ITPR1: variants seen among roughly 807,000 people sequenced by gnomAD.
ITPR1 encodes the protein inositol 1,4,5-trisphosphate receptor type 1, also known as inositol 1,4,5-trisphosphate-gated calcium channel ITPR1.
ITPR1 carries 96 observed loss-of-function variants against 318.4 expected under a neutral mutation model. The observed-to-expected ratio is 0.30, with a 90% CI of 0.26 to 0.36. The LOEUF (loss-of-function observed/expected upper bound fraction) is 0.36, where lower values mean the gene tolerates loss of function less well. Ranked by LOEUF, ITPR1 falls within the 10% of genes least tolerant of loss-of-function variation. ITPR1 has a pLI of 1.00. For synonymous variants in ITPR1, 1,312 were observed against 1,289.9 expected, an observed-to-expected ratio of 1.02 and a Z score of -0.37; for missense variants, 2,440 against 3,460.2, an observed-to-expected ratio of 0.71 and a Z score of 7.40.
Position 4,826,025 on chromosome 3 carries a change from G to A in ITPR1, c.8028+7783G>A, listed in dbSNP as rs35806575. 3.9e-5 allele frequency among the ~76,000 whole-genome samples: 6 copies of A among 152,246 alleles called. No individual in the cohort carries two copies. The highest frequency in any genetic ancestry group is 1.2e-4 in the African/African-American group (5 of 41,472). Reference sequence around the variant, plus strand: ...TGGAGTCCCTGCCAGACAGCACTTAGGTGCAGGAGAGAGGAAGGGCGAGTC... The same window carrying A: ...TGGAGTCCCTGCCAGACAGCACTTAAGTGCAGGAGAGAGGAAGGGCGAGTC... On this transcript the variant is annotated intron_variant, in intron 60 of 61. Transcript: ENST00000649015. The surrounding 1 kb of genome is among the most constrained non-coding windows in gnomAD (Gnocchi z 4.2).
chr3:4,669,810 G>T (rs759639647), intron 19 of ITPR1, 37 bp downstream of exon 19: 2 of 1,572,428 alleles, frequency 1.3e-6, no homozygotes, highest in Non-Finnish European at 1.7e-6. Flanking sequence ...GAAAACATGG[G>T]GTTCATTCAG....
intron 60 of ITPR1, among the ~76,000 whole-genome samples, chr3:4,827,938 T>C (rs3805026): frequency 0.21 from 32,310 of 151,914 alleles, 3,505 homozygotes; most frequent in East Asian, 0.25. Context: ...CAGTTCTTCA[T>C]GAAGTCCTGT....
At chr3:4,703,388 C>T (rs1440914650) in intron 36 of ITPR1, among the ~76,000 whole-genome samples, 1 of 152,166 alleles carries the variant, frequency 6.6e-6, no homozygotes, top group African/African-American at 2.4e-5. Context: ...CTCCCTTCTT[C>T]CCCTTGAGTA....
intron 4 of ITPR1, among the ~76,000 whole-genome samples, chr3:4,578,282 A>G (rs893584866): frequency 6.6e-6 from 1 of 151,678 alleles, no homozygotes; most frequent in Non-Finnish European, 1.5e-5. Context: ...CACTTTTTTT[A>G]TTTTTTGGTT....
intron 60 of ITPR1, among the ~76,000 whole-genome samples, chr3:4,824,679 G>A (rs1258826737): frequency 6.6e-6 from 1 of 152,174 alleles, no homozygotes; most frequent in African/African-American, 2.4e-5. Context: ...TGCGGGTAGA[G>A]AGGAGAGTGG....
rs904210230 is a variant in ITPR1 at position 4,663,309 on chromosome 3, G to A, written c.1554+103G>A. 5 of 1,083,192 alleles carry A rather than the reference G, an allele frequency of 4.6e-6. No homozygotes were observed. In the African/African-American group the frequency reaches 6.4e-5, roughly 14 times the overall value. 67.1% of individuals were successfully genotyped at this position (1,083,192 alleles called of 1,614,324 possible). On this transcript the variant is annotated intron_variant, in intron 16 of 61. Transcript: ENST00000649015. ...CCCAGCACTTTGGGAAGCCGAGGTG[G>A]GAGGATCCCCTTGAGCCCAGGAAAT...
intron 4 of ITPR1, among the ~76,000 whole-genome samples, chr3:4,607,497 C>T (rs1026276956): frequency 1.5e-4 from 23 of 152,058 alleles, no homozygotes; most frequent in Admixed American, 1.4e-3. Context: ...CCAAATGGGG[C>T]CGATTGATCA....
chr3:4,605,516 C>T (rs1559523334), intron 4 of ITPR1, among the ~76,000 whole-genome samples: 1 of 152,108 alleles, frequency 6.6e-6, no homozygotes, highest in Non-Finnish European at 1.5e-5. Context: ...AGAGAATTGT[C>T]CTATTTTTAG....
intron 4 of ITPR1, among the ~76,000 whole-genome samples, chr3:4,559,988 C>G (rs759506814): frequency 1.3e-5 from 2 of 152,214 alleles, no homozygotes; most frequent in Non-Finnish European, 2.9e-5. Context: ...GACTCTGGCT[C>G]TCCCACTAAA....
At chr3:4,539,984 CAAA>C (rs749264815) in intron 4 of ITPR1, among the ~76,000 whole-genome samples, 3 of 94,484 alleles carry the variant, frequency 3.2e-5, no homozygotes, top group Admixed American at 1.2e-4. Context: ...GACTAAGATG[CAAA>C]AAAAAAAAAA....
chr3:4,719,164 A>G (rs2041971699), intron 40 of ITPR1, among the ~76,000 whole-genome samples: 1 of 152,070 alleles, frequency 6.6e-6, no homozygotes, highest in Non-Finnish European at 1.5e-5. Context: ...TTGTAATTAT[A>G]CTCTAGGAAA....
At chr3:4,645,074 G>A (rs773932564) in intron 8 of ITPR1, among the ~76,000 whole-genome samples, 12 of 151,992 alleles carry the variant, frequency 7.9e-5, no homozygotes, top group East Asian at 1.9e-4. Context: ...TTTTCATCAG[G>A]CCTTTACTTT....
At chr3:4,548,112 T>C (rs2085202828) in intron 4 of ITPR1, among the ~76,000 whole-genome samples, 2 of 152,224 alleles carry the variant, frequency 1.3e-5, no homozygotes, top group African/African-American at 2.4e-5. Flanking sequence ...GGTTTGTTTT[T>C]AGTACTGGAT....
intron 16 of ITPR1, among the ~76,000 whole-genome samples, chr3:4,664,023 T>A (rs1056594098): frequency 2.0e-5 from 3 of 152,212 alleles, no homozygotes; most frequent in Non-Finnish European, 4.4e-5. Flanking sequence ...TGGATATCAA[T>A]CATGTGAGAG....
intron 4 of ITPR1, among the ~76,000 whole-genome samples, chr3:4,603,691 G>A (rs887314639): frequency 6.6e-6 from 1 of 152,184 alleles, no homozygotes; most frequent in African/African-American, 2.4e-5. Flanking sequence ...GCCTCCAAAA[G>A]TGCTGGGATT....
At chr3:4,695,272 A>G (rs1382268337) in intron 33 of ITPR1, among the ~76,000 whole-genome samples, 1 of 152,206 alleles carries the variant, frequency 6.6e-6, no homozygotes, top group African/African-American at 2.4e-5. Flanking sequence ...GCAGGTGAAA[A>G]TGGTCATTTC....
intron 4 of ITPR1, among the ~76,000 whole-genome samples, chr3:4,613,958 C>T (rs2092277855): frequency 6.6e-6 from 1 of 152,138 alleles, no homozygotes. Context: ...CCAGAAAATA[C>T]CACCTCCACC....
At chr3:4,688,794 G>T (rs1386869069) in intron 31 of ITPR1, among the ~76,000 whole-genome samples, 174 bp downstream of exon 31, 1 of 152,150 alleles carries the variant, frequency 6.6e-6, no homozygotes, top group Non-Finnish European at 1.5e-5. Context: ...TCATCTTTTG[G>T]GGATGAGATG....
chr3:4,674,670 T>A lies in ITPR1; in HGVS notation c.2598+327T>A, dbSNP rs149295688. 6.2e-3 allele frequency among the ~76,000 whole-genome samples: 940 copies of A among 152,334 alleles called. 9 individuals are homozygous for A. The highest frequency in any genetic ancestry group is 0.054 in the Middle Eastern group (16 of 294). ...AGCTTAATCATTTGCAGAACATAAATCCTTGTTACTTCTGAGTTAACAACG... is the reference window on the plus strand; with the variant it reads ...AGCTTAATCATTTGCAGAACATAAAACCTTGTTACTTCTGAGTTAACAACG... On this transcript the variant is annotated intron_variant, in intron 22 of 61. Coordinates refer to ENST00000649015, the MANE Select transcript of ITPR1 (RefSeq NM_001378452.1).
Sources: allele counts gnomAD v4.1 joint callset (sites outside exome capture counted in the v4.1 genomes callset), GRCh38; gene constraint gnomAD v4.1.1; non-coding constraint Gnocchi (gnomAD v3.1); transcripts MANE v1.5; gene names NCBI Gene and HGNC (gene_info 2026-07-23, HGNC 2026-07-21).